LRIF1: variants seen among roughly 807,000 people sequenced by gnomAD.
LRIF1 encodes the protein ligand dependent nuclear receptor interacting factor 1.
Under a neutral mutation model 52.7 loss-of-function variants are expected in LRIF1, and 32 were observed. That is an observed-to-expected ratio of 0.61 (90% CI 0.46 to 0.82). LRIF1 has a LOEUF of 0.82. LRIF1 is among the 40% of genes least tolerant of loss of function. LRIF1 has a pLI of 0.00. For synonymous variants in LRIF1, 323 were observed against 317.4 expected, an observed-to-expected ratio of 1.02 and a Z score of -0.19; for missense variants, 887 against 892.0, an observed-to-expected ratio of 0.99 and a Z score of 0.07.
intron 1 of LRIF1, among the ~76,000 whole-genome samples, chr1:110,957,765 T>C (rs1363045941): frequency 2.0e-5 from 3 of 147,814 alleles, no homozygotes; most frequent in African/African-American, 7.3e-5. Context: ...TAGTCATTGC[T>C]GATTTGTCTT....
chr1:110,933,231 G>T, the LRIF1 span, among the ~76,000 whole-genome samples: 1 of 152,098 alleles, frequency 6.6e-6, no homozygotes, highest in South Asian at 2.1e-4. Context: ...GGTTTCTCAT[G>T]TTGAGAATGT....
At chr1:110,943,512 T>C (rs1171930734), downstream of LRIF1, 2 of 152,180 alleles carry the variant, frequency 1.3e-5, no homozygotes, top group African/African-American at 4.8e-5. Flanking sequence ...AACCAAACAT[T>C]GATGATTACT....
intron 1 of LRIF1, among the ~76,000 whole-genome samples, chr1:110,953,463 A>G (rs1367980182): frequency 6.6e-6 from 1 of 152,172 alleles, no homozygotes; most frequent in East Asian, 1.9e-4. Flanking sequence ...ATATTAGTCA[A>G]TTGTCAATCA....
Position 110,952,627 on chromosome 1 carries a change from C to G in LRIF1, c.257G>C (p.Ser86Thr). 3 of 1,614,066 alleles carry G rather than the reference C, an allele frequency of 1.9e-6. No homozygotes were observed. The highest frequency in any genetic ancestry group is 2.5e-6 in the Non-Finnish European group (3 of 1,179,962). The change falls in exon 2 of 4, where the codon AGC becomes ACC. Residue 86 changes from serine to threonine, a missense_variant. Coordinates refer to ENST00000369763, the MANE Select transcript of LRIF1 (RefSeq NM_018372.4). ...TTGAACTGATGCACTTGTGGAAGAGCTGGAAATCTGAGTCTGAAAAGTAAC... is the reference window on the plus strand; with the variant it reads ...TTGAACTGATGCACTTGTGGAAGAGGTGGAAATCTGAGTCTGAAAAGTAAC... Reference protein sequence around the residue: ...VQVTFQTQISSSSTSASVQLP... With the variant: ...VQVTFQTQISTSSTSASVQLP...
downstream of LRIF1, among the ~76,000 whole-genome samples, chr1:110,946,887 C>T (rs529644236): frequency 2.6e-5 from 4 of 152,220 alleles, no homozygotes; most frequent in African/African-American, 4.8e-5. Flanking sequence ...AAACTCCTGA[C>T]CTCAGGTGAT....
chr1:110,894,307 A>G, the LRIF1 span: 49 of 1,611,250 alleles, frequency 3.0e-5, no homozygotes, highest in Non-Finnish European at 4.0e-5. Flanking sequence ...TGCTGTGAGA[A>G]TGTATCTGCT....
intron 1 of LRIF1, among the ~76,000 whole-genome samples, chr1:110,957,019 A>G (rs1016222479): frequency 1.3e-5 from 2 of 152,032 alleles, no homozygotes; most frequent in Non-Finnish European, 2.9e-5. Flanking sequence ...CCTCTTACCT[A>G]TCATAGTTTC....
At chr1:110,928,761 C>G in the LRIF1 span, among the ~76,000 whole-genome samples, 1 of 152,028 alleles carries the variant, frequency 6.6e-6, no homozygotes, top group Non-Finnish European at 1.5e-5. Context: ...AATATGCCTG[C>G]TATATTTAAC....
chr1:110,898,379 G>GA, the LRIF1 span, among the ~76,000 whole-genome samples: 26,538 of 115,544 alleles, frequency 0.23, 3,316 homozygotes, highest in Middle Eastern at 0.27. Flanking sequence ...TCTGTCTCCA[G>GA]AAAAAAAAAA....
intron 1 of LRIF1, among the ~76,000 whole-genome samples, chr1:110,962,096 AAAG>A (rs1415329996): frequency 1.1e-4 from 16 of 151,562 alleles, no homozygotes; most frequent in Admixed American, 3.9e-4. Flanking sequence ...ACACACACAC[AAAG>A]TAAAGTTGTT....
the LRIF1 span, among the ~76,000 whole-genome samples, chr1:110,933,289 G>A: frequency 1.3e-5 from 2 of 152,090 alleles, no homozygotes; most frequent in Non-Finnish European, 1.5e-5. Context: ...CAGAATAGAC[G>A]GCTCCACCAA....
chr1:110,890,601 G>GA, the LRIF1 span, among the ~76,000 whole-genome samples: 2 of 98,666 alleles, frequency 2.0e-5, no homozygotes, highest in Non-Finnish European at 5.1e-5. Flanking sequence ...GAAAGAGAAA[G>GA]GAAAGGAAAG....
Position 110,951,401 on chromosome 1 carries a change from C to T in LRIF1, c.1483G>A (p.Val495Ile), listed in dbSNP as rs142311156. ...GHNAPRKVTA[V>I]IYARKGSVLQ... ...ACACTTCCTTTTCTAGCATAAATGA[C>T]GGCTGTTACTTTTCTGGGGGCATTG... The change falls in exon 2 of 4, where the codon GTC (valine) becomes ATC (isoleucine). Residue 495 changes from valine (V) to isoleucine (I), a missense_variant. Physicochemically the swap from Val to Ile is conservative, Grantham distance 29. Transcript: ENST00000369763. 5.9e-5 allele frequency: 95 copies of T among 1,614,064 alleles called. No homozygotes were observed. The African/African-American group carries it at 7.5e-4, about 13-fold the overall frequency.
At chr1:110,906,769 A>G in the LRIF1 span, among the ~76,000 whole-genome samples, 1 of 152,166 alleles carries the variant, frequency 6.6e-6, no homozygotes, top group East Asian at 1.9e-4. Flanking sequence ...TATAGATTCA[A>G]TGCAGTCTCA....
chr1:110,940,970 G>C, the LRIF1 span: 1 of 151,990 alleles, frequency 6.6e-6, no homozygotes, highest in Non-Finnish European at 1.5e-5. Context: ...AAAATAACTA[G>C]AAGAGTGTAA....
rs759763152 is a variant in LRIF1, at chr1:110,948,094, G to C, written c.2175C>G (p.Thr725=). The change falls in exon 4 of 4, where the codon ACC becomes ACG. Residue 725 remains threonine (T), a synonymous_variant. Coordinates refer to ENST00000369763, the MANE Select transcript of LRIF1 (RefSeq NM_018372.4). ...GTGGTGTCACTGGGAAAATATCTTC[G>C]GTATAATTTTTATTGAAGAAATGAC... ...EQSHFFNKNY[T]EDIFPVTPPE... The C allele has an allele frequency of 6.2e-7, 1 of 1,613,736 alleles. No individual in the cohort carries two copies. The highest frequency in any genetic ancestry group is 1.7e-5 in the Admixed American group (1 of 60,000).
chr1:110,913,946 G>A, the LRIF1 span, among the ~76,000 whole-genome samples: 20 of 152,200 alleles, frequency 1.3e-4, no homozygotes, highest in South Asian at 1.7e-3. Context: ...ATACACTATG[G>A]AATACAACAC....
chr1:110,944,257 T>TG (rs1330432355), downstream of LRIF1: 1 of 152,194 alleles, frequency 6.6e-6, no homozygotes, highest in East Asian at 1.9e-4. Flanking sequence ...TTCAAGATTT[T>TG]GCCTGAGCAA....
the LRIF1 span, among the ~76,000 whole-genome samples, chr1:110,883,547 A>T: frequency 2.0e-5 from 3 of 152,058 alleles, no homozygotes; most frequent in East Asian, 5.8e-4. Context: ...GTATCTGAAA[A>T]GTCTGGCCTC....
Sources: allele counts gnomAD v4.1 joint callset (sites outside exome capture counted in the v4.1 genomes callset), GRCh38; gene constraint gnomAD v4.1.1; transcripts MANE v1.5; gene names NCBI Gene and HGNC (gene_info 2026-07-23, HGNC 2026-07-21).